The following RAB5A variants were observed in gnomAD, a reference collection of about 807,000 sequenced individuals.
RAB5A encodes the protein RAB5A, member RAS oncogene family, also known as ras-related protein Rab-5A.
Under a neutral mutation model 25.7 loss-of-function variants are expected in RAB5A, and 8 were observed. The ratio of observed to expected loss-of-function variants is 0.31; its 90% confidence interval spans 0.18 to 0.56. RAB5A has a LOEUF of 0.56. RAB5A is among the 20% of genes least tolerant of loss of function. The pLI, the probability that RAB5A is intolerant of heterozygous loss-of-function variation, is 0.91. For synonymous variants in RAB5A, 98 were observed against 89.8 expected, an observed-to-expected ratio of 1.09 and a Z score of -0.52; for missense variants, 192 against 259.7, an observed-to-expected ratio of 0.74 and a Z score of 1.79.
chr3:19,947,266 C>CCGGCGGCGGCGA lies in RAB5A; in HGVS notation c.-338_-337insACGGCGGCGGCG. The CCGGCGGCGGCGA allele has an allele frequency of 5.5e-6, 1 of 182,514 alleles. No homozygotes were observed. 11.3% of individuals were successfully genotyped at this position (182,514 alleles called of 1,614,324 possible). A position where few individuals can be genotyped will look rare whatever the true frequency, so the allele number is the denominator to read the frequency against. On this transcript the variant is annotated 5_prime_UTR_variant, in exon 1 of 6. Coordinates refer to ENST00000273047, the MANE Select transcript of RAB5A (RefSeq NM_004162.5). ...GGAAGAATTAGTCGGAACTCCAGCGCCGGCGGCGGCGGCGGCGGCGGAGGA... is the reference window on the plus strand; with the variant it reads ...GGAAGAATTAGTCGGAACTCCAGCGCCGGCGGCGGCGACGGCGGCGGCGGCGGCGGCGGAGGA...
At chr3:19,958,708 G>A (rs1312574563) in intron 2 of RAB5A, among the ~76,000 whole-genome samples, 1 of 152,188 alleles carries the variant, frequency 6.6e-6, no homozygotes, top group East Asian at 1.9e-4. Flanking sequence ...GTGGGGCGTG[G>A]TGTCATGTGC....
intron 2 of RAB5A, 131 bp from the exon 3 acceptor site, chr3:19,975,470 G>T: frequency 2.6e-6 from 2 of 781,448 alleles, no homozygotes; most frequent in Non-Finnish European, 3.8e-6. Context: ...ACTTTTAACT[G>T]ACACATAATA....
At chr3:19,972,880 C>T (rs1326958555) in intron 2 of RAB5A, among the ~76,000 whole-genome samples, 1 of 152,098 alleles carries the variant, frequency 6.6e-6, no homozygotes, top group Non-Finnish European at 1.5e-5. Context: ...TTTAAGGCAA[C>T]ATCTCTAATA....
chr3:19,955,239 A>G (rs1239791579), intron 2 of RAB5A, among the ~76,000 whole-genome samples: 1 of 152,184 alleles, frequency 6.6e-6, no homozygotes, highest in Non-Finnish European at 1.5e-5. Context: ...ACAATTTTGT[A>G]TGCACTAATC....
intron 2 of RAB5A, among the ~76,000 whole-genome samples, chr3:19,957,136 C>G (rs1428365929): frequency 6.8e-6 from 1 of 146,056 alleles, no homozygotes; most frequent in African/African-American, 2.8e-5. Context: ...CTGTTGGTGC[C>G]TAAGCTGGTC....
chr3:19,948,452 CCAGT>C (rs770944784), intron 1 of RAB5A, among the ~76,000 whole-genome samples: 52 of 152,154 alleles, frequency 3.4e-4, no homozygotes, highest in East Asian at 1.7e-3. Context: ...AAATAAGTGC[CCAGT>C]CAATTTTTTG....
intron 1 of RAB5A, among the ~76,000 whole-genome samples, chr3:19,949,216 A>G (rs1246938331): frequency 6.6e-6 from 1 of 152,218 alleles, no homozygotes; most frequent in Non-Finnish European, 1.5e-5. Flanking sequence ...ATAAATCTGT[A>G]AATATTTCAG....
At chr3:19,953,307 T>A (rs1696450823) in intron 2 of RAB5A, among the ~76,000 whole-genome samples, 1 of 152,196 alleles carries the variant, frequency 6.6e-6, no homozygotes, top group Non-Finnish European at 1.5e-5. Context: ...CCAGTTAGAT[T>A]GTCTAGATTT....
At chr3:19,982,604 C>G (rs902117020) in intron 5 of RAB5A, among the ~76,000 whole-genome samples, 1 of 152,010 alleles carries the variant, frequency 6.6e-6, no homozygotes, top group African/African-American at 2.4e-5. Context: ...AGTCCCAGCA[C>G]GTGGGAGTCT....
At chr3:19,978,705 A>G (rs1696865616) in intron 5 of RAB5A, 2 of 197,354 alleles carry the variant, frequency 1.0e-5, no homozygotes, top group Non-Finnish European at 2.0e-5. Flanking sequence ...GTTCAGACAG[A>G]CAGATTTTGC....
intron 2 of RAB5A, chr3:19,970,432 G>C (rs1696733354): frequency 2.5e-6 from 1 of 393,984 alleles, no homozygotes. Flanking sequence ...TTACTTGCTT[G>C]CTGCCAGGCT....
intron 2 of RAB5A, among the ~76,000 whole-genome samples, chr3:19,972,406 T>C (rs746407032): frequency 1.3e-5 from 2 of 152,188 alleles, no homozygotes; most frequent in Non-Finnish European, 2.9e-5. Context: ...ATAAAAGGTG[T>C]GAAACGTTAT....
chr3:19,964,777 T>G (rs1435775626), intron 2 of RAB5A, among the ~76,000 whole-genome samples: 1 of 152,070 alleles, frequency 6.6e-6, no homozygotes, highest in East Asian at 1.9e-4. Flanking sequence ...ACGTCTGGCT[T>G]ATTTTTGTAG....
In RAB5A at chr3:19,983,723, A is replaced by G; in HGVS notation, c.548A>G (p.Lys183Arg). ...IFMAIAKKLP[K>R]NEPQNPGANS... ...TTTCTTTCAGCTAAAAAATTGCCAAAGAATGAACCACAAAATCCAGGAGCA... is the reference window on the plus strand; with the variant it reads ...TTTCTTTCAGCTAAAAAATTGCCAAGGAATGAACCACAAAATCCAGGAGCA... Residue 183 changes from lysine to arginine, a missense_variant, in exon 6 of 6, where the codon AAG becomes AGG. This residue lies in a region of RAB5A where 121 missense variants were observed against 135.7 expected (regional missense o/e 0.89). Coordinates refer to ENST00000273047, the MANE Select transcript of RAB5A (RefSeq NM_004162.5). The G allele has an allele frequency of 6.2e-7, 1 of 1,609,960 alleles. No individual in the cohort carries two copies.
At chr3:19,967,291 A>G (rs991310859) in intron 2 of RAB5A, among the ~76,000 whole-genome samples, 5 of 152,100 alleles carry the variant, frequency 3.3e-5, no homozygotes, top group East Asian at 1.9e-4. Context: ...ATTACAGGCA[A>G]CCGCCACCAC....
chr3:19,979,479 G>A (rs539262088), intron 5 of RAB5A, among the ~76,000 whole-genome samples: 1 of 150,540 alleles, frequency 6.6e-6, no homozygotes, highest in African/African-American at 2.4e-5. Context: ...TAGAGACGGG[G>A]TTTCACCATG....
rs386396075 is a variant in RAB5A, at chr3:19,969,045, G to GTTTTTTTTTTT, written c.164-6550_164-6540dup. ...TTTTGGTTTTGGTTTTTTTTTTTTG[G>GTTTTTTTTTTT]TTTTTTTTTTTTTTTTGAGATGGAG... On this transcript the variant is annotated intron_variant, in intron 2 of 5. Coordinates refer to ENST00000273047, the MANE Select transcript of RAB5A (RefSeq NM_004162.5). 4.1e-4 allele frequency among the ~76,000 whole-genome samples: 42 copies of GTTTTTTTTTTT among 103,416 alleles called. 2 individuals are homozygous for GTTTTTTTTTTT. The highest frequency in any genetic ancestry group is 5.2e-4 in the South Asian group (2 of 3,854). 67.8% of individuals were successfully genotyped at this position (103,416 alleles called of 152,430 possible). A position where few individuals can be genotyped will look rare whatever the true frequency, so the allele number is the denominator to read the frequency against.
At chr3:19,976,212 G>A (rs113268567) in intron 4 of RAB5A, 43 bp downstream of exon 4, 1 of 1,574,796 alleles carries the variant, frequency 6.4e-7, no homozygotes, top group East Asian at 2.3e-5. Flanking sequence ...CTTTTTTCCT[G>A]TATGTTTTTC....
rs1697003485 is a variant in RAB5A, at chr3:19,984,890, AC to A, written c.*1070del. 1 of 153,540 alleles carries A rather than the reference AC, an allele frequency of 6.5e-6. No individual in the cohort carries two copies. Among genetic ancestry groups the A allele is most frequent in the African/African-American group, 2.4e-5 (1 of 41,450 alleles). The allele number at this position is 153,540 out of a possible 1,614,324, so 9.5% of individuals were successfully genotyped here. A position where few individuals can be genotyped will look rare whatever the true frequency, so the allele number is the denominator to read the frequency against. On this transcript the variant is annotated 3_prime_UTR_variant, in exon 6 of 6. Coordinates refer to ENST00000273047, the MANE Select transcript of RAB5A (RefSeq NM_004162.5). ...TGGCTAGAACCATAATAAACAATGT[AC>A]CCGTAATTTGTAACATAAAGTATTG...
Sources: gnomAD v4.1 joint callset for allele counts (sites outside exome capture counted in the v4.1 genomes callset) on GRCh38, gnomAD v4.1.1 for gene constraint, gnomAD v4.1.1 regional missense constraint, MANE v1.5 for transcripts, NCBI Gene and HGNC (gene_info 2026-07-23, HGNC 2026-07-21) for gene names.